The following MOB2 variants were observed in gnomAD, a reference collection of about 807,000 sequenced individuals.
The protein encoded by MOB2 is MOB kinase activator 2.
In MOB2, 14 loss-of-function variants were observed where a neutral mutation model predicts 27.4. The observed-to-expected ratio is 0.51, with a 90% confidence interval of 0.34 to 0.80. The LOEUF (loss-of-function observed/expected upper bound fraction) is 0.80, where lower values mean the gene tolerates loss of function less well. Ranked by LOEUF, MOB2 falls within the 30% of genes least tolerant of loss-of-function variation. The pLI is 0.01. For synonymous variants in MOB2, 167 were observed against 151.8 expected (o/e 1.10, Z -0.74); for missense variants, 304 against 354.6 (o/e 0.86, Z 1.15).
rs754476812 is a variant in MOB2 at position 1,470,003 on chromosome 11, C to A, written c.*169G>T. On this transcript the variant is annotated 3_prime_UTR_variant, in exon 5 of 5. Coordinates refer to ENST00000329957, the MANE Select transcript of MOB2 (RefSeq NM_001172223.3). ...CCATCCGACAGGGGGCCACAGGACA[C>A]GGCCGGGGCCGTCTGCGTCTGTGCC... 25 of 1,515,648 alleles carry A rather than the reference C, an allele frequency of 1.6e-5. No individual in the cohort carries two copies. The highest frequency in any genetic ancestry group is 2.1e-5 in the Non-Finnish European group (24 of 1,129,144). The allele number at this position is 1,515,648 out of a possible 1,614,324, so 93.9% of individuals were successfully genotyped here.
At chr11:1,475,316 A>C (rs1292202245) in intron 3 of MOB2, among the ~76,000 whole-genome samples, 3 of 23,636 alleles carry the variant, frequency 1.3e-4, no homozygotes, top group Admixed American at 3.7e-4. Context: ...AGGTTTTCCC[A>C]ATCACACGTG....
At position 1,469,494 on chromosome 11, in the gene MOB2, T is replaced by C. The variant is rs539906062; in HGVS notation, c.*678A>G. The C allele has an allele frequency of 8.2e-4, 368 of 448,852 alleles. 2 individuals carry two copies. The highest frequency in any genetic ancestry group is 5.5e-3 in the South Asian group (354 of 64,326). 27.8% of individuals were successfully genotyped at this position (448,852 alleles called of 1,614,324 possible). ...ATTCTTTTTATTACGAGTGAACAGA[T>C]GAACTAAGGTAAGCGGGTCTCAGCC... On this transcript the variant is annotated 3_prime_UTR_variant, in exon 5 of 5. Transcript: ENST00000329957.
At position 1,469,872 on chromosome 11, in the gene MOB2, C is replaced by G; in HGVS notation, c.*300G>C. On this transcript the variant is annotated 3_prime_UTR_variant, in exon 5 of 5. Transcript: ENST00000329957. ...GGGAGGGCAGGGGCTGCACGGAGAC[C>G]AGAGAAAGGAAAACCCCACAGAAGA... The G allele has an allele frequency of 1.5e-6, 1 of 672,502 alleles. No individual in the cohort carries two copies. The highest frequency in any genetic ancestry group is 2.7e-6 in the Non-Finnish European group (1 of 374,864). 41.7% of individuals were successfully genotyped at this position (672,502 alleles called of 1,614,324 possible). A position where few individuals can be genotyped will look rare whatever the true frequency, so the allele number is the denominator to read the frequency against.
rs535262598 is a variant in MOB2 at position 1,476,951 on chromosome 11, G to T, written c.365+3442C>A. Among the ~76,000 whole-genome samples, 4 of 152,170 alleles carry T rather than the reference G, an allele frequency of 2.6e-5. No homozygotes were observed. The South Asian group carries it at 8.3e-4, about 32-fold the overall frequency. ...CATGGTCAGAAAACTTACTTCGTAT[G>T]GTTTTGATTTTTTAAAATTTGTTAA... On this transcript the variant is annotated intron_variant, in intron 3 of 4. Coordinates refer to ENST00000329957, the MANE Select transcript of MOB2 (RefSeq NM_001172223.3).
At chr11:1,471,021 G>A (rs530306480) in intron 4 of MOB2, among the ~76,000 whole-genome samples, 1 of 152,382 alleles carries the variant, frequency 6.6e-6, no homozygotes, top group Admixed American at 6.5e-5. Context: ...AGAGCAGCAT[G>A]AGCGGCAGAA....
At chr11:1,481,883 G>A (rs1847919599) in intron 1 of MOB2, among the ~76,000 whole-genome samples, 1 of 152,176 alleles carries the variant, frequency 6.6e-6, no homozygotes, top group Admixed American at 6.5e-5. Context: ...ATGCAGCGTG[G>A]GCACTTGGGG....
At position 1,469,563 on chromosome 11, in the gene MOB2, T is replaced by C. The variant is rs1180496058; in HGVS notation, c.*609A>G. On this transcript the variant is annotated 3_prime_UTR_variant, in exon 5 of 5. Coordinates refer to ENST00000329957, the MANE Select transcript of MOB2 (RefSeq NM_001172223.3). ...TCCACGCAGGGCCTCAGCCCCGTCCTGGCCTTGCCTGAGGACTGCACCATG... is the reference window on the plus strand; with the variant it reads ...TCCACGCAGGGCCTCAGCCCCGTCCCGGCCTTGCCTGAGGACTGCACCATG... The C allele has an allele frequency of 8.8e-6, 4 of 456,726 alleles. No homozygotes were observed. Among genetic ancestry groups the C allele is most frequent in the Non-Finnish European group, 1.8e-5 (4 of 226,986 alleles). 28.3% of individuals were successfully genotyped at this position (456,726 alleles called of 1,614,324 possible).
intron 1 of MOB2, among the ~76,000 whole-genome samples, chr11:1,484,324 C>G (rs1258568741): frequency 6.6e-6 from 1 of 152,172 alleles, no homozygotes; most frequent in African/African-American, 2.4e-5. Context: ...ATACGGTGAC[C>G]AGGCAGCGTG....
chr11:1,476,233 G>C (rs1182402444), intron 3 of MOB2, among the ~76,000 whole-genome samples: 1 of 152,198 alleles, frequency 6.6e-6, no homozygotes, highest in Non-Finnish European at 1.5e-5. Flanking sequence ...TGTAGATAAG[G>C]GGGGCTTATT....
intron 1 of MOB2, among the ~76,000 whole-genome samples, chr11:1,483,732 A>G (rs1847940491): frequency 6.6e-6 from 1 of 152,108 alleles, no homozygotes. Context: ...CACCCTCCCC[A>G]TTCTCGCCAG....
Position 1,486,662 on chromosome 11 carries a change from G to T in MOB2, c.-106C>A. The T allele has an allele frequency of 1.4e-6, 1 of 728,170 alleles. No individual in the cohort carries two copies. Among genetic ancestry groups the T allele is most frequent in the Non-Finnish European group, 2.3e-6 (1 of 432,100 alleles). 45.1% of individuals were successfully genotyped at this position (728,170 alleles called of 1,614,324 possible). A position where few individuals can be genotyped will look rare whatever the true frequency, so the allele number is the denominator to read the frequency against. Reference sequence around the variant, plus strand: ...CCTCCAGCCTCACTCCCTGGCCAATGGGACGCCTGGCAGAGACAAACAGCT... The same window carrying T: ...CCTCCAGCCTCACTCCCTGGCCAATTGGACGCCTGGCAGAGACAAACAGCT... On this transcript the variant is annotated 5_prime_UTR_variant, in exon 1 of 5. Transcript: ENST00000329957.
At position 1,469,953 on chromosome 11, in the gene MOB2, G is replaced by A; in HGVS notation, c.*219C>T. On this transcript the variant is annotated 3_prime_UTR_variant, in exon 5 of 5. Transcript: ENST00000329957. ...GCTGAACGAGTGAATGGGCCCAAAGGCTCTTCTCTACAAACGGCACGCATC... is the reference window on the plus strand; with the variant it reads ...GCTGAACGAGTGAATGGGCCCAAAGACTCTTCTCTACAAACGGCACGCATC... 1 of 1,128,086 alleles carries A rather than the reference G, an allele frequency of 8.9e-7. No individual in the cohort carries two copies. The highest frequency in any genetic ancestry group is 1.3e-6 in the Non-Finnish European group (1 of 775,454). The allele number at this position is 1,128,086 out of a possible 1,614,324, so 69.9% of individuals were successfully genotyped here. A position where few individuals can be genotyped will look rare whatever the true frequency, so the allele number is the denominator to read the frequency against.
rs553822575 is a variant in MOB2 at position 1,481,037 on chromosome 11, C to A, written c.111-152G>T. 7.5e-6 allele frequency: 7 copies of A among 928,898 alleles called. No individual in the cohort carries two copies. In the Admixed American group the frequency reaches 1.2e-4, roughly 16 times the overall value. The allele number at this position is 928,898 out of a possible 1,614,324, so 57.5% of individuals were successfully genotyped here. On this transcript the variant is annotated intron_variant, in intron 1 of 4. Coordinates refer to ENST00000329957, the MANE Select transcript of MOB2 (RefSeq NM_001172223.3). ...CCCTGCCAGGCTCAAAGGACACCAA[C>A]GGGACACCAACGGTGAGGCTGCTCC... is the stretch of plus-strand genomic sequence containing the variant.
chr11:1,480,328 A>T, intron 3 of MOB2, 65 bp downstream of exon 3: 4 of 1,436,420 alleles, frequency 2.8e-6, no homozygotes, highest in Non-Finnish European at 2.9e-6. Context: ...AGCCTGGGGC[A>T]GCGGGGGCTC....
At chr11:1,482,030 C>G (rs962691316) in intron 1 of MOB2, among the ~76,000 whole-genome samples, 1 of 152,216 alleles carries the variant, frequency 6.6e-6, no homozygotes, top group South Asian at 2.1e-4. Flanking sequence ...ACAGGGAAGG[C>G]TCTCCCCATG....
intron 2 of MOB2, 90 bp from the exon 3 acceptor site, chr11:1,480,576 C>CACCCA: frequency 6.5e-7 from 1 of 1,540,908 alleles, no homozygotes; most frequent in Non-Finnish European, 8.9e-7. Flanking sequence ...TGCAGGAGCT[C>CACCCA]GGCTGGGTGA....
rs761775398 is a variant in MOB2 at position 1,486,602 on chromosome 11, G to A, written c.-46C>T. The A allele has an allele frequency of 3.3e-5, 46 of 1,374,082 alleles. No homozygotes were observed. Among genetic ancestry groups the A allele is most frequent in the Admixed American group, 1.2e-4 (6 of 50,478 alleles). 85.1% of individuals were successfully genotyped at this position (1,374,082 alleles called of 1,614,324 possible). On this transcript the variant is annotated 5_prime_UTR_variant, in exon 1 of 5. Transcript: ENST00000329957. Reference sequence around the variant, plus strand: ...GGGAGGAGAAGCGGGGCGGGGTGCCGGCTGGCCAGCACTCGCAAATGCCTG... The same window carrying A: ...GGGAGGAGAAGCGGGGCGGGGTGCCAGCTGGCCAGCACTCGCAAATGCCTG...
chr11:1,469,989 G>A lies in MOB2; in HGVS notation c.*183C>T. The A allele has an allele frequency of 6.8e-7, 1 of 1,473,920 alleles. No homozygotes were observed. Among genetic ancestry groups the A allele is most frequent in the Non-Finnish European group, 9.2e-7 (1 of 1,091,178 alleles). The allele number at this position is 1,473,920 out of a possible 1,614,324, so 91.3% of individuals were successfully genotyped here. The stretch of plus-strand genomic sequence containing the variant: ...CAAACGGCACGCATCCATCCGACAG[G>A]GGGCCACAGGACACGGCCGGGGCCG... On this transcript the variant is annotated 3_prime_UTR_variant, in exon 5 of 5. Coordinates refer to ENST00000329957, the MANE Select transcript of MOB2 (RefSeq NM_001172223.3).
At position 1,469,768 on chromosome 11, in the gene MOB2, CCAGAG is replaced by C. The variant is rs1564907088; in HGVS notation, c.*399_*403del. Reference sequence around the variant, plus strand: ...GTCTCTGTGAAAGCAAGCCCCACCCCCAGAGCAGAGCAGAGACCCAGGTCTGCAAA... The same window carrying C: ...GTCTCTGTGAAAGCAAGCCCCACCCCCAGAGCAGAGACCCAGGTCTGCAAA... On this transcript the variant is annotated 3_prime_UTR_variant, in exon 5 of 5. Transcript: ENST00000329957. The C allele has an allele frequency of 2.1e-6, 1 of 479,854 alleles. No homozygotes were observed. Among genetic ancestry groups the C allele is most frequent in the South Asian group, 1.5e-5 (1 of 64,752 alleles). The allele number at this position is 479,854 out of a possible 1,614,324, so 29.7% of individuals were successfully genotyped here.
Sources: allele counts gnomAD v4.1 joint callset (sites outside exome capture counted in the v4.1 genomes callset), GRCh38; gene constraint gnomAD v4.1.1; transcripts MANE v1.5; gene names NCBI Gene and HGNC (gene_info 2026-07-23, HGNC 2026-07-21).